Variants in ATG101 observed in about 807,000 individuals in gnomAD.
ATG101 encodes the protein autophagy-related protein 101.
ATG101 carries 6 observed loss-of-function variants against 16.7 expected under a neutral mutation model. That is an observed-to-expected ratio of 0.36 (90% CI 0.20 to 0.71). The LOEUF is 0.71. Ranked by LOEUF, ATG101 falls within the 30% of genes least tolerant of loss-of-function variation. The probability of loss-of-function intolerance (pLI) is 0.57; values close to 1 mark genes in which losing one functional copy is unlikely to be tolerated. For missense variants in ATG101, 200 were observed against 292.5 expected (o/e 0.68, Z 2.31); for synonymous variants, 108 against 118.1 (o/e 0.91, Z 0.56).
At chr12:52,068,122 T>C (rs983122211), upstream of ATG101, among the ~76,000 whole-genome samples, 12 of 151,174 alleles carry the variant, frequency 7.9e-5, no homozygotes, top group Non-Finnish European at 1.3e-4. Flanking sequence ...TCTCAGCTCA[T>C]TGCAACCTCC....
chr12:52,066,601 T>G (rs1402642690), upstream of ATG101, among the ~76,000 whole-genome samples: 1 of 152,182 alleles, frequency 6.6e-6, no homozygotes, highest in East Asian at 1.9e-4. Context: ...ATGACTGGGC[T>G]TCAGTTATAA....
upstream of ATG101, chr12:52,069,721 C>T (rs1939607636): frequency 6.6e-6 from 1 of 152,212 alleles, no homozygotes; most frequent in Non-Finnish European, 1.5e-5. Context: ...CCACAGCGTT[C>T]TCGGTGGTGG....
chr12:52,073,021 C>T (rs774792029), intron 2 of ATG101, among the ~76,000 whole-genome samples: 23 of 152,260 alleles, frequency 1.5e-4, no homozygotes, highest in Non-Finnish European at 2.5e-4. Flanking sequence ...TGATTTGCCT[C>T]GGCCTCCCAA....
chr12:52,071,745 T>TG (rs1373025947), intron 2 of ATG101, among the ~76,000 whole-genome samples: 1 of 152,110 alleles, frequency 6.6e-6, no homozygotes, highest in Admixed American at 6.5e-5. Flanking sequence ...AGGCAGAAGT[T>TG]GCAGTGAGTA....
chr12:52,069,274 A>G (rs1939598947), upstream of ATG101: 1 of 152,276 alleles, frequency 6.6e-6, no homozygotes, highest in South Asian at 2.1e-4. Flanking sequence ...CACGCAGAGA[A>G]GCAATGGCCG....
intron 3 of ATG101, among the ~76,000 whole-genome samples, chr12:52,075,510 C>G (rs1355413167): frequency 1.3e-5 from 2 of 152,222 alleles, no homozygotes; most frequent in African/African-American, 4.8e-5. Context: ...ATTACAGATG[C>G]ATTAGCCATT....
chr12:52,074,773 A>G (rs2641526), intron 3 of ATG101, among the ~76,000 whole-genome samples: 26,220 of 152,108 alleles, frequency 0.17, 4,268 homozygotes, highest in African/African-American at 0.44. Context: ...AGCCCTGGAA[A>G]CATGGCGAAA....
At chr12:52,074,741 T>C (rs1204334389) in intron 3 of ATG101, among the ~76,000 whole-genome samples, 11 of 152,104 alleles carry the variant, frequency 7.2e-5, no homozygotes, top group Non-Finnish European at 1.6e-4. Flanking sequence ...GCCGGATTGC[T>C]TGAGCCCAGG....
At chr12:52,071,668 A>G (rs1006122545) in intron 2 of ATG101, among the ~76,000 whole-genome samples, 1 of 152,104 alleles carries the variant, frequency 6.6e-6, no homozygotes, top group Non-Finnish European at 1.5e-5. Flanking sequence ...AATACAAAAA[A>G]TTAGCCAGGT....
upstream of ATG101, among the ~76,000 whole-genome samples, chr12:52,068,990 C>CAA (rs869030833): frequency 0.025 from 851 of 33,426 alleles, 88 homozygotes; most frequent in African/African-American, 0.031. Context: ...GACGCCGTCT[C>CAA]AAAAAAAAAA....
chr12:52,071,564 C>G (rs958311914), intron 2 of ATG101: 3 of 152,224 alleles, frequency 2.0e-5, no homozygotes, highest in African/African-American at 7.2e-5. Flanking sequence ...GTGCGGTAAT[C>G]CCAGCACTTT....
upstream of ATG101, among the ~76,000 whole-genome samples, chr12:52,065,999 T>C (rs1055334126): frequency 6.6e-6 from 1 of 152,184 alleles, no homozygotes; most frequent in African/African-American, 2.4e-5. Flanking sequence ...TGCCTCAGCC[T>C]CCTGAGTAGC....
upstream of ATG101, among the ~76,000 whole-genome samples, chr12:52,068,110 A>C (rs955244424): frequency 6.7e-6 from 1 of 149,056 alleles, no homozygotes; most frequent in African/African-American, 2.5e-5. Flanking sequence ...GCCGTGGTGC[A>C]GTCTCAGCTC....
rs1407643486 is a variant in ATG101 at position 52,076,774 on chromosome 12, CCTT to C, written c.253-7_253-5del. The C allele has an allele frequency of 6.2e-7, 1 of 1,609,450 alleles. No individual in the cohort carries two copies. The highest frequency in any genetic ancestry group is 1.7e-5 in the Admixed American group (1 of 59,938). The stretch of plus-strand genomic sequence containing the variant: ...GAGGCCTTGGCTTGCTCATTCGTTC[CCTT>C]CTTCCCAGGATGCACTGCGCAACTC... On this transcript the variant is annotated splice_polypyrimidine_tract_variant and intron_variant, in intron 3 of 3. Transcript: ENST00000336854.
intron 3 of ATG101, among the ~76,000 whole-genome samples, chr12:52,076,061 T>C (rs1001268854): frequency 1.3e-5 from 2 of 151,952 alleles, no homozygotes; most frequent in Non-Finnish European, 2.9e-5. Flanking sequence ...AGGAGGCTAA[T>C]GTGGGAGGAT....
Position 52,073,950 on chromosome 12 carries a change from C to A in ATG101, c.252+48C>A, listed in dbSNP as rs1555171063. 4.4e-6 allele frequency: 7 copies of A among 1,598,534 alleles called. No individual in the cohort carries two copies. The Admixed American group carries it at 1.2e-4, about 27-fold the overall frequency. On this transcript the variant is annotated intron_variant, in intron 3 of 3. Transcript: ENST00000336854. ...GGTAAGGGTGTGGCATAGCAGATGG[C>A]AGGGGGGCCTCGAGTGCTCCTCCAC...
chr12:52,076,264 A>T (rs1057102113), intron 3 of ATG101, among the ~76,000 whole-genome samples: 10 of 152,202 alleles, frequency 6.6e-5, no homozygotes, highest in Non-Finnish European at 1.0e-4. Context: ...ATTTTGAAGG[A>T]TATGGGCTAA....
intron 3 of ATG101, among the ~76,000 whole-genome samples, chr12:52,076,096 T>C (rs1939725601): frequency 6.6e-6 from 1 of 152,218 alleles, no homozygotes; most frequent in Admixed American, 6.5e-5. Context: ...AGTCCGAGGC[T>C]GCAGTGAGCC....
chr12:52,067,182 G>C (rs181797357), upstream of ATG101, among the ~76,000 whole-genome samples: 1 of 152,336 alleles, frequency 6.6e-6, no homozygotes, highest in Non-Finnish European at 1.5e-5. Flanking sequence ...CTGAATGGGA[G>C]GGGGAAGCCT....
Sources: allele counts gnomAD v4.1 joint callset (sites outside exome capture counted in the v4.1 genomes callset), GRCh38; gene constraint gnomAD v4.1.1; transcripts MANE v1.5; gene names NCBI Gene and HGNC (gene_info 2026-07-23, HGNC 2026-07-21).